Variants in SNTG1 observed in about 807,000 individuals in gnomAD.
SNTG1 encodes the protein gamma-1-syntrophin.
In SNTG1, 39 loss-of-function variants were observed where a neutral mutation model predicts 74.7. The ratio of observed to expected loss-of-function variants is 0.52; its 90% CI spans 0.40 to 0.68. The LOEUF (loss-of-function observed/expected upper bound fraction) is 0.68. Among genes scored for constraint, SNTG1 ranks in the 30% least tolerant of loss-of-function variants. The pLI, the probability that SNTG1 is intolerant of heterozygous loss-of-function variation, is 0.00. For missense variants in SNTG1, 685 were observed against 609.5 expected (o/e 1.12, Z -1.30); for synonymous variants, 254 against 217.1 (o/e 1.17, Z -1.49).
chr8:50,589,718 T>C (rs1471772344), intron 12 of SNTG1, among the ~76,000 whole-genome samples: 1 of 152,162 alleles, frequency 6.6e-6, no homozygotes, highest in Admixed American at 6.5e-5. Context: ...AAAAAGTAGA[T>C]TTCCACAAAG....
chr8:50,183,499 C>A (rs946569059), intron 2 of SNTG1, among the ~76,000 whole-genome samples: 1 of 152,152 alleles, frequency 6.6e-6, no homozygotes, highest in African/African-American at 2.4e-5. Context: ...AGTCCTCAAC[C>A]CTTTACCTTC....
At chr8:50,611,614 C>G (rs1371173073) in intron 13 of SNTG1, among the ~76,000 whole-genome samples, 1 of 152,136 alleles carries the variant, frequency 6.6e-6, no homozygotes, top group Non-Finnish European at 1.5e-5. Flanking sequence ...GCTTTTACTA[C>G]TGTGATACCC....
At chr8:50,120,726 C>A (rs1305158683) in intron 1 of SNTG1, among the ~76,000 whole-genome samples, 2 of 142,728 alleles carry the variant, frequency 1.4e-5, no homozygotes, top group African/African-American at 5.1e-5. Context: ...CCTGAACCCA[C>A]AATTTTTAGG....
chr8:50,695,309 C>A (rs1416851037), intron 15 of SNTG1, among the ~76,000 whole-genome samples: 1 of 150,960 alleles, frequency 6.6e-6, no homozygotes, highest in South Asian at 2.1e-4. Flanking sequence ...CATTAACAAC[C>A]AATGTTTTAA....
intron 9 of SNTG1, among the ~76,000 whole-genome samples, chr8:50,518,907 C>T (rs887787824): frequency 3.9e-5 from 6 of 152,192 alleles, no homozygotes; most frequent in African/African-American, 1.2e-4. Flanking sequence ...CCTTCTGAAA[C>T]TATTCCAAAC....
At chr8:50,297,672 T>G (rs4873450) in intron 2 of SNTG1, among the ~76,000 whole-genome samples, 1 of 151,910 alleles carries the variant, frequency 6.6e-6, no homozygotes, top group Non-Finnish European at 1.5e-5. Flanking sequence ...GGCAGAACAG[T>G]TGGAGATTTT....
intron 2 of SNTG1, among the ~76,000 whole-genome samples, chr8:50,325,995 A>AT (rs1259724236): frequency 1.3e-5 from 2 of 151,946 alleles, no homozygotes; most frequent in Admixed American, 1.3e-4. Context: ...AGATCATGTG[A>AT]TTTTTTATTA....
intron 9 of SNTG1, among the ~76,000 whole-genome samples, chr8:50,517,554 T>G (rs565363880): frequency 7.0e-6 from 1 of 142,352 alleles, no homozygotes; most frequent in Non-Finnish European, 1.5e-5. Flanking sequence ...CTATCTCATG[T>G]GCAAAGACAC....
At chr8:49,938,603 T>TTTTTTTTCTTTTTC (rs1554524905) in intron 1 of SNTG1, among the ~76,000 whole-genome samples, 1 of 74,754 alleles carries the variant, frequency 1.3e-5, no homozygotes, top group African/African-American at 4.5e-5. Context: ...TTTTCTTTTC[T>TTTTTTTTCTTTTTC]TTTCTTTCTT....
chr8:50,006,783 T>C (rs1373303718), intron 1 of SNTG1, among the ~76,000 whole-genome samples: 1 of 152,170 alleles, frequency 6.6e-6, no homozygotes, highest in African/African-American at 2.4e-5. Context: ...AAAGGGATCC[T>C]TTCTCACAAG....
At chr8:50,427,428 T>A (rs1450103272) in intron 4 of SNTG1, among the ~76,000 whole-genome samples, 1 of 152,110 alleles carries the variant, frequency 6.6e-6, no homozygotes. Flanking sequence ...TATATACACT[T>A]TTTTTATTTT....
chr8:50,778,049 C>A (rs535681145), intron 18 of SNTG1, among the ~76,000 whole-genome samples: 1 of 152,026 alleles, frequency 6.6e-6, no homozygotes, highest in African/African-American at 2.4e-5. Context: ...TTTTTATGGC[C>A]GCATAGTATT....
At chr8:50,108,068 A>T (rs2080448255) in intron 1 of SNTG1, among the ~76,000 whole-genome samples, 1 of 152,116 alleles carries the variant, frequency 6.6e-6, no homozygotes, top group African/African-American at 2.4e-5. Flanking sequence ...GCTGGCAACA[A>T]GAGATATTCC....
chr8:50,719,434 C>T (rs55891616), intron 17 of SNTG1, among the ~76,000 whole-genome samples: 2,308 of 152,212 alleles, frequency 0.015, 50 homozygotes, highest in African/African-American at 0.052. Flanking sequence ...AATCTGCCAG[C>T]ACCTTGATCT....
At chr8:50,086,840 AG>A (rs1822931803) in intron 1 of SNTG1, among the ~76,000 whole-genome samples, 1 of 152,184 alleles carries the variant, frequency 6.6e-6, no homozygotes, top group Non-Finnish European at 1.5e-5. Context: ...AAAGTACTGA[AG>A]GGTTAGAATA....
At chr8:50,742,551 A>G (rs1203913126) in intron 17 of SNTG1, among the ~76,000 whole-genome samples, 1 of 151,842 alleles carries the variant, frequency 6.6e-6, no homozygotes, top group Non-Finnish European at 1.5e-5. Context: ...TATATATTAA[A>G]AAAGAGGATG....
At position 50,233,055 on chromosome 8, in the gene SNTG1, C is replaced by T. The variant is rs572150588; in HGVS notation, c.-28+60420C>T. ...CAACTTGATATGTTGTGGATATAGA[C>T]GTTATTGTTGTAAAATTTATAGAAT... On this transcript the variant is annotated intron_variant, in intron 2 of 18. Transcript: ENST00000642720. Among the ~76,000 whole-genome samples the T allele has an allele frequency of 5.0e-4, 75 of 151,406 alleles. 1 individual carries two copies. In the South Asian group the frequency reaches 0.013, roughly 26 times the overall value.
At chr8:50,308,709 A>G (rs79991033) in intron 2 of SNTG1, among the ~76,000 whole-genome samples, 3,114 of 152,226 alleles carry the variant, frequency 0.02, 113 homozygotes, top group African/African-American at 0.069. Flanking sequence ...CTACTCATTT[A>G]TGTGTTATTA....
At chr8:50,713,456 T>C (rs1253739353) in intron 17 of SNTG1, among the ~76,000 whole-genome samples, 1 of 152,194 alleles carries the variant, frequency 6.6e-6, no homozygotes, top group Admixed American at 6.5e-5. Flanking sequence ...ATAGGTTGCC[T>C]GTTCACTCTG....
Sources: allele counts gnomAD v4.1 joint callset (sites outside exome capture counted in the v4.1 genomes callset), GRCh38; gene constraint gnomAD v4.1.1; transcripts MANE v1.5; gene names NCBI Gene and HGNC (gene_info 2026-07-23, HGNC 2026-07-21).